RGS3: variants seen among roughly 807,000 people sequenced by gnomAD.
The protein encoded by RGS3 is regulator of G-protein signalling 3.
A neutral mutation model predicts 132.6 loss-of-function variants in RGS3; 80 were observed. The observed-to-expected ratio is 0.60, with a 90% CI of 0.50 to 0.73. RGS3 has a LOEUF of 0.73. RGS3 is among the 30% of genes least tolerant of loss of function. The pLI, the probability that RGS3 is intolerant of heterozygous loss-of-function variation, is 0.00. For missense variants in RGS3, 1,382 were observed against 1,530.8 expected (o/e 0.90, Z 1.62); for synonymous variants, 598 against 620.6 (o/e 0.96, Z 0.54).
intron 19 of RGS3, chr9:113,582,137 C>T: frequency 1.0e-6 from 1 of 985,518 alleles, no homozygotes; most frequent in Non-Finnish European, 1.2e-6. Context: ...TGGCTGAACA[C>T]TGACTCCCAG....
intron 19 of RGS3, among the ~76,000 whole-genome samples, chr9:113,554,616 G>T (rs1833489824): frequency 6.6e-6 from 1 of 152,130 alleles, no homozygotes; most frequent in Non-Finnish European, 1.5e-5. Context: ...CTCATTTTAT[G>T]TTGATCAGTC....
At chr9:113,492,179 A>G (rs984508636) in intron 7 of RGS3, among the ~76,000 whole-genome samples, 7 of 152,156 alleles carry the variant, frequency 4.6e-5, no homozygotes, top group Admixed American at 3.9e-4. Context: ...AAAATAATCT[A>G]TTTTTTCATC....
At chr9:113,553,470 A>C (rs1833439804) in intron 19 of RGS3, among the ~76,000 whole-genome samples, 1 of 109,620 alleles carries the variant, frequency 9.1e-6, no homozygotes, top group African/African-American at 4.1e-5. Context: ...ATATATATAT[A>C]TATATATATA....
In RGS3 at chr9:113,537,238, C is replaced by G. The variant is rs555975027; in HGVS notation, c.2037+320C>G. On this transcript the variant is annotated intron_variant, in intron 19 of 24. Transcript: ENST00000350696. This position sits in a 1 kb window ranked among gnomAD's most constrained non-coding sequence, Gnocchi z 4.3. ...GGCCTCCCTGATGCTGCCTGGCATGCGTTCACCTCTGCCATTGGGTAGCCT... is the reference window on the plus strand; with the variant it reads ...GGCCTCCCTGATGCTGCCTGGCATGGGTTCACCTCTGCCATTGGGTAGCCT... Among the ~76,000 whole-genome samples the G allele has an allele frequency of 2.6e-5, 4 of 152,246 alleles. No individual in the cohort carries two copies. Among genetic ancestry groups the G allele is most frequent in the Admixed American group, 2.6e-4 (4 of 15,292 alleles).
intron 10 of RGS3, 129 bp from the exon 9 acceptor site, chr9:113,505,313 C>A (rs553438519): frequency 1.3e-6 from 1 of 748,124 alleles, no homozygotes; most frequent in African/African-American, 1.7e-5. Context: ...CTGGCTAGCT[C>A]CTTTGTGCCT....
chr9:113,463,611 T>G lies in RGS3; in HGVS notation c.415+1410T>G. The G allele has an allele frequency of 7.8e-6, 7 of 901,344 alleles. No homozygotes were observed. The highest frequency in any genetic ancestry group is 7.3e-6 in the Non-Finnish European group (5 of 684,842). The allele number at this position is 901,344 out of a possible 1,614,324, so 55.8% of individuals were successfully genotyped here. On this transcript the variant is annotated intron_variant, in intron 3 of 24. Transcript: ENST00000350696. This position sits in a 1 kb window ranked among gnomAD's most constrained non-coding sequence, Gnocchi z 4.6. ...CTCCCCCACCCCGGCCCAGCTCTGC[T>G]CCGGCAGGTGGAACTCTCCCCATTC...
upstream of RGS3, among the ~76,000 whole-genome samples, chr9:113,455,400 C>T (rs1303096471): frequency 6.6e-6 from 1 of 152,156 alleles, no homozygotes; most frequent in Non-Finnish European, 1.5e-5. Context: ...GGAAAAGCAG[C>T]TCTTGAAGAG....
chr9:113,547,811 T>C (rs947647975), intron 19 of RGS3, among the ~76,000 whole-genome samples: 2 of 152,166 alleles, frequency 1.3e-5, no homozygotes, highest in Non-Finnish European at 2.9e-5. Context: ...CCTACCCACT[T>C]TTGCTGGGAT....
chr9:113,479,188 A>G (rs146627829), intron 3 of RGS3: 388 of 393,790 alleles, frequency 9.9e-4, no homozygotes, highest in African/African-American at 7.1e-3. Flanking sequence ...ACATTTGACA[A>G]CGACCCAGCA....
At chr9:113,539,421 T>C (rs920609530) in intron 19 of RGS3, among the ~76,000 whole-genome samples, 1 of 152,204 alleles carries the variant, frequency 6.6e-6, no homozygotes, top group Admixed American at 6.5e-5. Flanking sequence ...GCGATTCTCA[T>C]GGCTCAGCCT....
At chr9:113,461,288 C>T (rs1229134351) in intron 1 of RGS3, among the ~76,000 whole-genome samples, 1 of 152,086 alleles carries the variant, frequency 6.6e-6, no homozygotes, top group African/African-American at 2.4e-5. Context: ...TGTGAGAAAG[C>T]CAGGCTTGGT....
At chr9:113,505,300 G>GGGCT (rs1345553837) in intron 10 of RGS3, 142 bp from the exon 9 acceptor site, 2 of 680,782 alleles carry the variant, frequency 2.9e-6, no homozygotes, top group African/African-American at 3.6e-5. Context: ...GGACACTGAG[G>GGGCT]GGCTGGCTAG....
chr9:113,467,322 G>A (rs1218190731), intron 3 of RGS3, among the ~76,000 whole-genome samples: 1 of 152,122 alleles, frequency 6.6e-6, no homozygotes, highest in Non-Finnish European at 1.5e-5. Flanking sequence ...TTCCAAAGTA[G>A]GTGTATCATT....
At chr9:113,588,217 C>A (rs747069928) in intron 20 of RGS3, among the ~76,000 whole-genome samples, 1 of 152,218 alleles carries the variant, frequency 6.6e-6, no homozygotes, top group African/African-American at 2.4e-5. Flanking sequence ...AGAGATCAGA[C>A]GAGAGGACCC....
chr9:113,505,633 G>C lies in RGS3; in HGVS notation c.979+110G>C. ...GCCCCAAACTGGAGCAAAGTGTCCT[G>C]GCTTTTCAAAATGAAAAGAATAATA... On this transcript the variant is annotated intron_variant, in intron 11 of 24. Coordinates refer to ENST00000350696, the Ensembl canonical transcript of RGS3. 3.7e-6 allele frequency: 3 copies of C among 800,540 alleles called. No individual in the cohort carries two copies. In the South Asian group the frequency reaches 4.5e-5, roughly 12 times the overall value. The allele number at this position is 800,540 out of a possible 1,614,324, so 49.6% of individuals were successfully genotyped here.
exon 20 of RGS3, chr9:113,583,714 C>G (rs1564606570): frequency 1.2e-6 from 2 of 1,614,028 alleles, no homozygotes. Flanking sequence ...GCCACCATGC[C>G]AGGAACCCCC....
chr9:113,581,799 G>C (rs1252049456), intron 19 of RGS3: 1 of 152,652 alleles, frequency 6.6e-6, no homozygotes, highest in Non-Finnish European at 1.5e-5. Flanking sequence ...GGTCTGAGAG[G>C]GCCCTTGTGT....
intron 16 of RGS3, among the ~76,000 whole-genome samples, 180 bp downstream of exon 14, chr9:113,517,804 A>T (rs909331613): frequency 1.3e-5 from 2 of 152,006 alleles, no homozygotes; most frequent in African/African-American, 4.8e-5. Context: ...TTTCTTGTAC[A>T]TCTCCTTTCA....
At chr9:113,451,737 G>C (rs866274673) in intron 1 of RGS3, among the ~76,000 whole-genome samples, 2 of 151,584 alleles carry the variant, frequency 1.3e-5, no homozygotes, top group Non-Finnish European at 2.9e-5. Context: ...CTTTTAAACA[G>C]ATTTAAATAA....
Sources: gnomAD v4.1 joint callset for allele counts (sites outside exome capture counted in the v4.1 genomes callset) on GRCh38, gnomAD v4.1.1 for gene constraint, Gnocchi (gnomAD v3.1) non-coding constraint, MANE v1.5 for transcripts, NCBI Gene and HGNC (gene_info 2026-07-23, HGNC 2026-07-21) for gene names.